The following B3GALT1 variants were observed in gnomAD, a reference collection of about 807,000 sequenced individuals.
B3GALT1 encodes beta-1,3-galactosyltransferase 1, also known as UDP-Gal:betaGlcNAc beta 1,3-galactosyltransferase, polypeptide 1.
Under a neutral mutation model 23.2 loss-of-function variants are expected in B3GALT1, and 10 were observed. That is an observed-to-expected ratio of 0.43 (90% CI 0.27 to 0.73). B3GALT1 has a LOEUF of 0.73. B3GALT1 is among the 30% of genes least tolerant of loss of function. The pLI, the probability that B3GALT1 is intolerant of heterozygous loss-of-function variation, is 0.21. For missense variants in B3GALT1, 299 were observed against 405.4 expected (o/e 0.74, Z 2.25); for synonymous variants, 156 against 141.5 (o/e 1.10, Z -0.73).
intron 1 of B3GALT1, among the ~76,000 whole-genome samples, chr2:167,360,496 T>C (rs1371912864): frequency 1.3e-5 from 2 of 152,188 alleles, no homozygotes; most frequent in Non-Finnish European, 2.9e-5. Flanking sequence ...GCACCGTCAG[T>C]ATCATCTTGG....
intron 1 of B3GALT1, among the ~76,000 whole-genome samples, chr2:167,484,091 G>A (rs1191530349): frequency 6.6e-6 from 1 of 152,162 alleles, no homozygotes; most frequent in African/African-American, 2.4e-5. Context: ...CTTTTAATAA[G>A]TTGGATGACC....
chr2:167,354,633 C>T (rs1233647653), intron 1 of B3GALT1, among the ~76,000 whole-genome samples: 2 of 152,200 alleles, frequency 1.3e-5, no homozygotes, highest in East Asian at 3.9e-4. Context: ...GCGTGAGCCA[C>T]TTTGCCCGGC....
chr2:167,734,001 C>A (rs1281796198), intron 3 of B3GALT1, among the ~76,000 whole-genome samples: 3 of 152,014 alleles, frequency 2.0e-5, no homozygotes, highest in Admixed American at 6.5e-5. Context: ...AAGTAAGAAG[C>A]AGACAGTTTA....
chr2:167,306,296 G>T (rs1696551088), intron 1 of B3GALT1, among the ~76,000 whole-genome samples: 1 of 151,816 alleles, frequency 6.6e-6, no homozygotes, highest in African/African-American at 2.4e-5. Flanking sequence ...ATATAAAAAT[G>T]CACATGCTTT....
At chr2:167,796,811 A>C (rs75904417) in intron 3 of B3GALT1, among the ~76,000 whole-genome samples, 17,129 of 152,194 alleles carry the variant, frequency 0.11, 1,000 homozygotes, top group Middle Eastern at 0.23. Context: ...GTAATCAAAT[A>C]TTTTATCTTT....
intron 3 of B3GALT1, among the ~76,000 whole-genome samples, chr2:167,650,412 C>T (rs976853897): frequency 1.1e-4 from 16 of 150,720 alleles, no homozygotes; most frequent in East Asian, 3.9e-4. Context: ...TTTGGTAAGC[C>T]GCTGGATTCA....
intron 2 of B3GALT1, among the ~76,000 whole-genome samples, chr2:167,587,430 A>G (rs1189353486): frequency 1.3e-5 from 2 of 152,212 alleles, no homozygotes; most frequent in Non-Finnish European, 2.9e-5. Flanking sequence ...ACTTATTATT[A>G]TACTCATTTT....
intron 2 of B3GALT1, among the ~76,000 whole-genome samples, chr2:167,616,955 A>G (rs747025939): frequency 2.6e-5 from 4 of 152,112 alleles, no homozygotes; most frequent in Middle Eastern, 3.2e-3. Context: ...GTCAGTTAGC[A>G]ATGCTTTTGG....
intron 3 of B3GALT1, among the ~76,000 whole-genome samples, chr2:167,735,775 T>C (rs1005372845): frequency 3.9e-5 from 6 of 152,186 alleles, no homozygotes; most frequent in Non-Finnish European, 8.8e-5. Flanking sequence ...CAGTGAAGAA[T>C]ATATTAAAAT....
At chr2:167,533,926 G>GT (rs895125238) in intron 2 of B3GALT1, among the ~76,000 whole-genome samples, 12 of 151,892 alleles carry the variant, frequency 7.9e-5, no homozygotes, top group South Asian at 2.1e-4. Flanking sequence ...AAGGTAATGG[G>GT]TTTTTTTTCC....
At chr2:167,371,999 A>G (rs1267483853) in intron 1 of B3GALT1, among the ~76,000 whole-genome samples, 1 of 151,730 alleles carries the variant, frequency 6.6e-6, no homozygotes, top group Non-Finnish European at 1.5e-5. Flanking sequence ...AAAATTTCAA[A>G]AAATATTTAT....
chr2:167,710,310 A>T (rs1272674796), intron 3 of B3GALT1, among the ~76,000 whole-genome samples: 1 of 152,218 alleles, frequency 6.6e-6, no homozygotes, highest in Non-Finnish European at 1.5e-5. Flanking sequence ...TGTACTCAAG[A>T]TCCCTAGAAT....
At chr2:167,671,526 G>C (rs1478539968) in intron 3 of B3GALT1, among the ~76,000 whole-genome samples, 1 of 152,116 alleles carries the variant, frequency 6.6e-6, no homozygotes, top group Non-Finnish European at 1.5e-5. Flanking sequence ...TTTTACAACT[G>C]TGTGGAAATT....
chr2:167,863,350 A>C (rs1690142976), intron 4 of B3GALT1, among the ~76,000 whole-genome samples: 1 of 152,206 alleles, frequency 6.6e-6, no homozygotes, highest in Admixed American at 6.5e-5. Context: ...TAAACTGATG[A>C]ACTGACATAA....
rs753331247 is a variant in B3GALT1 at position 167,869,799 on chromosome 2, A to C, written c.760A>C (p.Thr254Pro). The C allele has an allele frequency of 6.2e-7, 1 of 1,614,064 alleles. No individual in the cohort carries two copies. The highest frequency in any genetic ancestry group is 8.5e-7 in the Non-Finnish European group (1 of 1,179,998). ...CGATGTAGCTGAACTCATTTACAAG[A>C]CCTCACTCCACACAAGGCTGCTTCA... Reference protein sequence around the residue: ...SADVAELIYKTSLHTRLLHLE... With the variant: ...SADVAELIYKPSLHTRLLHLE... The change falls in exon 5 of 5, where the codon ACC (threonine) becomes CCC (proline). Residue 254 changes from threonine to proline, a missense_variant. Coordinates refer to ENST00000392690, the MANE Select transcript of B3GALT1 (RefSeq NM_020981.4). The surrounding 1 kb of genome is among the most constrained non-coding windows in gnomAD (Gnocchi z 6.4).
rs892192602 is a variant in B3GALT1, at chr2:167,714,640, A to G, written c.-352+67674A>G. The G allele has an allele frequency of 2.4e-5, 38 of 1,613,708 alleles. No individual in the cohort carries two copies. In the African/African-American group the frequency reaches 4.9e-4, roughly 21 times the overall value. On this transcript the variant is annotated intron_variant, in intron 3 of 4. Transcript: ENST00000392690. Reference sequence around the variant, plus strand: ...TGTGAGCATTTTCTTTCCTTAAATCATTGAGGTTTCTTTCAGCAGTCCGAG... The same window carrying G: ...TGTGAGCATTTTCTTTCCTTAAATCGTTGAGGTTTCTTTCAGCAGTCCGAG...
At chr2:167,699,050 A>G (rs1434548426) in intron 3 of B3GALT1, among the ~76,000 whole-genome samples, 1 of 152,212 alleles carries the variant, frequency 6.6e-6, no homozygotes, top group Non-Finnish European at 1.5e-5. Context: ...AATAATTTTT[A>G]ACATATTTTA....
chr2:167,688,962 C>G (rs1686663921), intron 3 of B3GALT1, among the ~76,000 whole-genome samples: 1 of 151,974 alleles, frequency 6.6e-6, no homozygotes, highest in Admixed American at 6.6e-5. Context: ...TGACATGAAC[C>G]TGGAACAGAA....
rs77804396 is a variant in B3GALT1 at position 167,427,309 on chromosome 2, A to G, written c.-510-62868A>G. ...AGCATCTGCTTGTTGGTGAAGTTCTATTTTTTGGCTTGATTTAGCTTTTTT... is the reference window on the plus strand; with the variant it reads ...AGCATCTGCTTGTTGGTGAAGTTCTGTTTTTTGGCTTGATTTAGCTTTTTT... On this transcript the variant is annotated intron_variant, in intron 1 of 4. Coordinates refer to ENST00000392690, the MANE Select transcript of B3GALT1 (RefSeq NM_020981.4). Among the ~76,000 whole-genome samples the G allele has an allele frequency of 4.8e-3, 730 of 152,152 alleles. 7 individuals are homozygous for G. The highest frequency in any genetic ancestry group is 0.018 in the East Asian group (92 of 5,170).
Sources: allele counts gnomAD v4.1 joint callset (sites outside exome capture counted in the v4.1 genomes callset), GRCh38; gene constraint gnomAD v4.1.1; non-coding constraint Gnocchi (gnomAD v3.1); transcripts MANE v1.5; gene names NCBI Gene and HGNC (gene_info 2026-07-23, HGNC 2026-07-21).